WDR49: variants seen among roughly 807,000 people sequenced by gnomAD.
WDR49 encodes cilia- and flagella-associated protein 337.
A neutral mutation model predicts 119.5 loss-of-function variants in WDR49; 107 were observed. That is an observed-to-expected ratio of 0.90 (90% CI 0.77 to 1.05). WDR49 has a LOEUF of 1.05. Ranked by LOEUF, WDR49 falls within the 50% of genes least tolerant of loss-of-function variation. The pLI, the probability that WDR49 is intolerant of heterozygous loss-of-function variation, is 0.00. For missense variants in WDR49, 1,240 were observed against 1,220.5 expected (o/e 1.02, Z -0.24); for synonymous variants, 425 against 418.8 (o/e 1.01, Z -0.18).
At chr3:167,538,996 C>T (rs1468671722) in intron 10 of WDR49, among the ~76,000 whole-genome samples, 2 of 152,032 alleles carry the variant, frequency 1.3e-5, no homozygotes, top group Non-Finnish European at 2.9e-5. Context: ...AGAATTATTT[C>T]CCTCTATTCT....
chr3:167,643,408 C>G (rs1717973229), intron 2 of WDR49, among the ~76,000 whole-genome samples: 1 of 151,922 alleles, frequency 6.6e-6, no homozygotes, highest in African/African-American at 2.4e-5. Flanking sequence ...ATGAATTCTT[C>G]AAAAATGTTT....
intron 7 of WDR49, among the ~76,000 whole-genome samples, chr3:167,587,476 T>G (rs1023597660): frequency 6.6e-6 from 1 of 152,096 alleles, no homozygotes. Context: ...GAAAAGACAC[T>G]GACCTTTTTT....
intron 18 of WDR49, among the ~76,000 whole-genome samples, chr3:167,480,509 T>C (rs1390846152): frequency 6.6e-6 from 1 of 152,170 alleles, no homozygotes; most frequent in Non-Finnish European, 1.5e-5. Context: ...CCACTTCCAG[T>C]GTAAACTATA....
chr3:167,600,600 T>C (rs1289695522), intron 7 of WDR49, among the ~76,000 whole-genome samples: 3 of 152,182 alleles, frequency 2.0e-5, no homozygotes, highest in Non-Finnish European at 4.4e-5. Context: ...TATTTTACAT[T>C]TTCAATACTG....
At chr3:167,503,715 A>C (rs1372886248) in intron 17 of WDR49, among the ~76,000 whole-genome samples, 1 of 152,214 alleles carries the variant, frequency 6.6e-6, no homozygotes, top group Non-Finnish European at 1.5e-5. Context: ...GAAGGTGGCC[A>C]GCAGCAGTGG....
At chr3:167,505,255 C>T in intron 17 of WDR49, 52 bp downstream of exon 17, 2 of 1,371,362 alleles carry the variant, frequency 1.5e-6, no homozygotes, top group Non-Finnish European at 1.9e-6. Context: ...TGTATTCACA[C>T]TAATCTGTTA....
At chr3:167,554,414 T>C (rs1173638162) in intron 10 of WDR49, among the ~76,000 whole-genome samples, 1 of 152,162 alleles carries the variant, frequency 6.6e-6, no homozygotes, top group Non-Finnish European at 1.5e-5. Context: ...TACATCCCCA[T>C]CTGAAATGGT....
intron 11 of WDR49, among the ~76,000 whole-genome samples, chr3:167,534,475 C>G (rs1274484301): frequency 6.6e-6 from 1 of 152,106 alleles, no homozygotes; most frequent in Non-Finnish European, 1.5e-5. Flanking sequence ...GCAGGGGTGG[C>G]CTTCCAGTGG....
chr3:167,623,156 G>T (rs1716950503), intron 3 of WDR49, among the ~76,000 whole-genome samples: 1 of 151,814 alleles, frequency 6.6e-6, no homozygotes. Context: ...AAAAATTACG[G>T]CAAAGGTAAC....
chr3:167,497,991 G>A (rs112523883), intron 18 of WDR49, among the ~76,000 whole-genome samples: 2 of 150,922 alleles, frequency 1.3e-5, no homozygotes, highest in Non-Finnish European at 2.9e-5. Context: ...ACAGGCACGT[G>A]CTACCATGCC....
At chr3:167,525,590 A>G (rs556457024) in intron 15 of WDR49, among the ~76,000 whole-genome samples, 7 of 152,222 alleles carry the variant, frequency 4.6e-5, no homozygotes, top group African/African-American at 1.7e-4. Flanking sequence ...AATTCTGCCT[A>G]GCACAACAGT....
At chr3:167,573,923 CT>C (rs1275960504) in intron 8 of WDR49, among the ~76,000 whole-genome samples, 1 of 152,194 alleles carries the variant, frequency 6.6e-6, no homozygotes, top group Non-Finnish European at 1.5e-5. Flanking sequence ...TTTGCAGGTG[CT>C]CACGTTGTAT....
intron 16 of WDR49, among the ~76,000 whole-genome samples, 177 bp from the exon 17 acceptor site, chr3:167,505,593 C>T (rs1022391523): frequency 1.3e-5 from 2 of 152,126 alleles, no homozygotes; most frequent in African/African-American, 4.8e-5. Flanking sequence ...TAACAAAATG[C>T]CTGCTAGCCA....
At chr3:167,607,313 T>C (rs1332021153) in intron 5 of WDR49, among the ~76,000 whole-genome samples, 1 of 152,186 alleles carries the variant, frequency 6.6e-6, no homozygotes, top group Non-Finnish European at 1.5e-5. Flanking sequence ...AGAGAGAAAC[T>C]TTGCTCCTGA....
chr3:167,530,684 TC>T (rs1459426855), intron 13 of WDR49, among the ~76,000 whole-genome samples: 1 of 152,122 alleles, frequency 6.6e-6, no homozygotes, highest in Non-Finnish European at 1.5e-5. Context: ...CTCATTATTC[TC>T]TTCCAGCCTA....
chr3:167,497,195 G>A (rs1751387349), intron 18 of WDR49, among the ~76,000 whole-genome samples: 1 of 151,994 alleles, frequency 6.6e-6, no homozygotes, highest in Non-Finnish European at 1.5e-5. Flanking sequence ...TCAATAATTT[G>A]CATCATTTTC....
rs1577259036 is a variant in WDR49 at position 167,589,269 on chromosome 3, A to G, written c.1275+12858T>C. ...TGTAGATGTATGGATTTATTTCTGG[A>G]TTCTCCATTCTATTCCACTGGTCTA... On this transcript the variant is annotated intron_variant, in intron 7 of 18. Coordinates refer to ENST00000682715, the MANE Select transcript of WDR49 (RefSeq NM_001366157.1). Among the ~76,000 whole-genome samples the G allele has an allele frequency of 3.9e-5, 6 of 151,966 alleles. 1 individual carries two copies. In the South Asian group the frequency reaches 1.2e-3, roughly 32 times the overall value.
intron 10 of WDR49, among the ~76,000 whole-genome samples, chr3:167,543,047 T>C (rs867912695): frequency 2.0e-4 from 30 of 152,012 alleles, no homozygotes; most frequent in African/African-American, 7.0e-4. Flanking sequence ...ATCCAGAGGA[T>C]TTGGATGCAT....
chr3:167,521,629 C>T (rs1270124392), intron 16 of WDR49, among the ~76,000 whole-genome samples: 2 of 152,058 alleles, frequency 1.3e-5, no homozygotes, highest in East Asian at 1.9e-4. Context: ...ATCAAAAGCG[C>T]CAAAATATTT....
Sources: allele counts gnomAD v4.1 joint callset (sites outside exome capture counted in the v4.1 genomes callset), GRCh38; gene constraint gnomAD v4.1.1; transcripts MANE v1.5; gene names NCBI Gene and HGNC (gene_info 2026-07-23, HGNC 2026-07-21).